The following GALNT1 variants were observed in gnomAD, a reference collection of about 807,000 sequenced individuals.
The protein encoded by GALNT1 is polypeptide N-acetylgalactosaminyltransferase 1.
A neutral mutation model predicts 65.7 loss-of-function variants in GALNT1; 17 were observed. The observed-to-expected ratio is 0.26, with a 90% CI of 0.18 to 0.39. The LOEUF (loss-of-function observed/expected upper bound fraction) is 0.39. Ranked by LOEUF, GALNT1 falls within the 10% of genes least tolerant of loss-of-function variation. The pLI is 1.00. For synonymous variants in GALNT1, 210 were observed against 219.7 expected, an observed-to-expected ratio of 0.96 and a Z score of 0.39; for missense variants, 460 against 672.8, an observed-to-expected ratio of 0.68 and a Z score of 3.50.
intron 1 of GALNT1, among the ~76,000 whole-genome samples, chr18:35,646,569 A>T (rs552451856): frequency 6.6e-6 from 1 of 152,330 alleles, no homozygotes; most frequent in South Asian, 2.1e-4. Flanking sequence ...CATCCTTCTG[A>T]CATGGCACTG....
chr18:35,657,077 T>TC (rs2047400471), intron 2 of GALNT1, among the ~76,000 whole-genome samples: 1 of 151,328 alleles, frequency 6.6e-6, no homozygotes, highest in Admixed American at 6.6e-5. Context: ...AGTTTGGAAT[T>TC]TTTTTTTTCA....
Position 35,691,122 on chromosome 18 carries a change from T to TAAAAATAAC in GALNT1, c.1091_1099dup (p.Lys364_Asn366dup). The stretch of plus-strand genomic sequence containing the variant: ...CAGGAGGCACAGGGCAGATTATCAA[T>TAAAAATAAC]AAAAATAACAGACGACTTGCAGAAG... On this transcript the variant is annotated inframe_insertion, in exon 8 of 12. Transcript: ENST00000269195. 1 of 1,612,988 alleles carries TAAAAATAAC rather than the reference T, an allele frequency of 6.2e-7. No homozygotes were observed. The highest frequency in any genetic ancestry group is 8.5e-7 in the Non-Finnish European group (1 of 1,179,556).
chr18:35,681,804 T>TA (rs1042363412), intron 4 of GALNT1, among the ~76,000 whole-genome samples: 58 of 152,242 alleles, frequency 3.8e-4, no homozygotes, highest in African/African-American at 1.3e-3. Flanking sequence ...TTGTTGTAGA[T>TA]AAAAAGATGG....
chr18:35,654,710 T>C lies in GALNT1; in HGVS notation c.48T>C (p.Ile16=). The stretch of plus-strand genomic sequence containing the variant: ...AGGTGGTCCTAGCCACCTCCTTGAT[T>C]TGGGTACTCTTGGATATGTTCCTGC... ...YCKVVLATSL[I]WVLLDMFLLL... The change falls in exon 2 of 12, where the codon ATT becomes ATC. Residue 16 remains isoleucine, a synonymous_variant. Coordinates refer to ENST00000269195, the MANE Select transcript of GALNT1 (RefSeq NM_020474.4). The C allele has an allele frequency of 6.4e-7, 1 of 1,566,434 alleles. No homozygotes were observed. The highest frequency in any genetic ancestry group is 8.7e-7 in the Non-Finnish European group (1 of 1,153,248).
chr18:35,603,775 C>T (rs913199519), intron 1 of GALNT1, among the ~76,000 whole-genome samples: 1 of 152,110 alleles, frequency 6.6e-6, no homozygotes, highest in Non-Finnish European at 1.5e-5. Flanking sequence ...CTTTGCCCTC[C>T]CCTGGAACTA....
At chr18:35,640,284 A>G (rs535860156) in intron 1 of GALNT1, among the ~76,000 whole-genome samples, 1 of 152,236 alleles carries the variant, frequency 6.6e-6, no homozygotes. Context: ...TTCGCAAGGT[A>G]GCTGAATTTA....
intron 1 of GALNT1, among the ~76,000 whole-genome samples, chr18:35,641,532 A>C (rs765442676): frequency 6.6e-6 from 1 of 152,190 alleles, no homozygotes; most frequent in Non-Finnish European, 1.5e-5. Flanking sequence ...AACACAAAAC[A>C]ACACATCTAG....
intron 1 of GALNT1, among the ~76,000 whole-genome samples, chr18:35,598,635 G>T (rs918549736): frequency 1.3e-5 from 2 of 152,106 alleles, no homozygotes; most frequent in African/African-American, 4.8e-5. Context: ...ATCTATTGAT[G>T]GATGCTTAGG....
At chr18:35,692,899 G>A (rs1568034241) in intron 9 of GALNT1, among the ~76,000 whole-genome samples, 1 of 152,160 alleles carries the variant, frequency 6.6e-6, no homozygotes, top group Non-Finnish European at 1.5e-5. Flanking sequence ...GAAGAAGGTT[G>A]TCACTTCTTC....
chr18:35,584,521 A>G (rs1028872458), intron 1 of GALNT1, among the ~76,000 whole-genome samples: 1 of 152,194 alleles, frequency 6.6e-6, no homozygotes, highest in Admixed American at 6.5e-5. Context: ...GAGTGCGGCA[A>G]CTTCGTAGAA....
intron 7 of GALNT1, among the ~76,000 whole-genome samples, chr18:35,689,685 A>AT (rs911439698): frequency 6.6e-6 from 1 of 151,996 alleles, no homozygotes; most frequent in Non-Finnish European, 1.5e-5. Flanking sequence ...TAGTGTGAAA[A>AT]TTTTTTTTAT....
At chr18:35,626,217 GTC>G (rs1338172869) in intron 1 of GALNT1, among the ~76,000 whole-genome samples, 1 of 152,150 alleles carries the variant, frequency 6.6e-6, no homozygotes, top group Non-Finnish European at 1.5e-5. Flanking sequence ...TCACTTTGTT[GTC>G]TCTCCTTCTA....
chr18:35,680,335 C>A (rs1243885594), intron 4 of GALNT1, among the ~76,000 whole-genome samples: 1 of 152,140 alleles, frequency 6.6e-6, no homozygotes, highest in Admixed American at 6.5e-5. Context: ...TTGACCTCTC[C>A]AGACCTGTCA....
chr18:35,622,364 A>T (rs554031839), intron 1 of GALNT1, among the ~76,000 whole-genome samples: 3 of 151,898 alleles, frequency 2.0e-5, no homozygotes, highest in Non-Finnish European at 4.4e-5. Flanking sequence ...CAATTTTCTC[A>T]CCTCAACCTC....
chr18:35,648,241 A>G (rs1289105547), intron 1 of GALNT1, among the ~76,000 whole-genome samples: 3 of 152,198 alleles, frequency 2.0e-5, no homozygotes, highest in Non-Finnish European at 4.4e-5. Context: ...AACCATCACA[A>G]TTTATGTGTA....
intron 11 of GALNT1, among the ~76,000 whole-genome samples, chr18:35,705,778 A>G (rs906052997): frequency 1.3e-5 from 2 of 152,350 alleles, no homozygotes; most frequent in South Asian, 2.1e-4. Context: ...TTTTTCTTAC[A>G]TAAGTCTAGA....
intron 3 of GALNT1, 66 bp downstream of exon 3, chr18:35,663,868 G>A (rs1221578624): frequency 2.1e-6 from 3 of 1,451,848 alleles, no homozygotes; most frequent in Admixed American, 3.8e-5. Context: ...TCAGTAAATT[G>A]CACTTGAGTG....
In GALNT1 at chr18:35,638,895, A is replaced by G. The variant is rs554941129; in HGVS notation, c.-103-15665A>G. Among the ~76,000 whole-genome samples, 6 of 152,368 alleles carry G rather than the reference A, an allele frequency of 3.9e-5. 1 individual carries two copies. In the South Asian group the frequency reaches 1.2e-3, roughly 32 times the overall value. ...TGGTAGCAATAGCAAGAGAACTAGA[A>G]TTAGAAGTGGAGCCTGAAGATATGG... On this transcript the variant is annotated intron_variant, in intron 1 of 11. Coordinates refer to ENST00000269195, the MANE Select transcript of GALNT1 (RefSeq NM_020474.4).
intron 1 of GALNT1, among the ~76,000 whole-genome samples, chr18:35,620,271 C>T (rs2046834717): frequency 6.6e-6 from 1 of 152,076 alleles, no homozygotes; most frequent in Admixed American, 6.6e-5. Flanking sequence ...GCAAAATGGC[C>T]CTTCTCTCTG....
Sources: allele counts gnomAD v4.1 joint callset (sites outside exome capture counted in the v4.1 genomes callset), GRCh38; gene constraint gnomAD v4.1.1; transcripts MANE v1.5; gene names NCBI Gene and HGNC (gene_info 2026-07-23, HGNC 2026-07-21).